The following PARD3B variants were observed in gnomAD, a reference collection of about 807,000 sequenced individuals.
PARD3B encodes par-3 family cell polarity regulator beta.
PARD3B carries 103 observed loss-of-function variants against 130.2 expected under a neutral mutation model. The observed-to-expected ratio is 0.79, with a 90% CI of 0.67 to 0.93. The LOEUF (loss-of-function observed/expected upper bound fraction) is 0.93, where lower values mean the gene tolerates loss of function less well. PARD3B is among the 40% of genes least tolerant of loss of function. The probability of loss-of-function intolerance (pLI) is 0.00; values close to 1 mark genes in which losing one functional copy is unlikely to be tolerated. For synonymous variants in PARD3B, 583 were observed against 553.2 expected (o/e 1.05, Z -0.76); for missense variants, 1,609 against 1,499.2 (o/e 1.07, Z -1.21).
chr2:205,025,189 G>A (rs900853022), intron 3 of PARD3B, among the ~76,000 whole-genome samples: 2 of 152,154 alleles, frequency 1.3e-5, no homozygotes, highest in African/African-American at 4.8e-5. Flanking sequence ...TCAGTCTGCG[G>A]CACTTAGATA....
Position 205,124,318 on chromosome 2 carries a change from A to G in PARD3B, c.1166-9A>G. 1 of 1,526,914 alleles carries G rather than the reference A, an allele frequency of 6.5e-7. No individual in the cohort carries two copies. Among genetic ancestry groups the G allele is most frequent in the South Asian group, 1.4e-5 (1 of 73,002 alleles). The allele number at this position is 1,526,914 out of a possible 1,614,324, so 94.6% of individuals were successfully genotyped here. On this transcript the variant is annotated splice_polypyrimidine_tract_variant and intron_variant, in intron 8 of 22. Coordinates refer to ENST00000406610, the MANE Select transcript of PARD3B (RefSeq NM_001302769.2). ...GATGACTATACATTTTCCTGTTCTT[A>G]TACACTAGGCCCTGAAGGACTTGGT...
intron 1 of PARD3B, among the ~76,000 whole-genome samples, chr2:204,582,238 A>G (rs1248977607): frequency 2.0e-5 from 3 of 152,152 alleles, no homozygotes; most frequent in Non-Finnish European, 4.4e-5. Flanking sequence ...TAGTGACTCC[A>G]AAGTTTAATT....
chr2:205,582,038 T>C (rs1418864369), intron 22 of PARD3B, among the ~76,000 whole-genome samples: 1 of 152,148 alleles, frequency 6.6e-6, no homozygotes, highest in African/African-American at 2.4e-5. Context: ...AATCCATCCC[T>C]CATGCAATCA....
At chr2:205,495,094 G>T (rs2049876760) in intron 20 of PARD3B, among the ~76,000 whole-genome samples, 1 of 152,158 alleles carries the variant, frequency 6.6e-6, no homozygotes, top group Admixed American at 6.5e-5. Context: ...AAATGCCTTA[G>T]TGTGATGTTT....
chr2:204,793,011 T>G (rs1034537537), intron 2 of PARD3B, among the ~76,000 whole-genome samples: 1 of 152,188 alleles, frequency 6.6e-6, no homozygotes, highest in Non-Finnish European at 1.5e-5. Flanking sequence ...AGGCTGCTTT[T>G]TAATCCTCCC....
intron 10 of PARD3B, among the ~76,000 whole-genome samples, chr2:205,156,762 T>C (rs751900114): frequency 1.1e-4 from 16 of 152,318 alleles, no homozygotes; most frequent in Middle Eastern, 6.8e-3. Context: ...TAGTCAATCA[T>C]TGTTAGCCTC....
chr2:204,574,747 CTAAG>C (rs2032169234), intron 1 of PARD3B, among the ~76,000 whole-genome samples: 1 of 152,162 alleles, frequency 6.6e-6, no homozygotes, highest in African/African-American at 2.4e-5. Flanking sequence ...CACTAACAAT[CTAAG>C]TGTGTCTTCT....
In PARD3B at chr2:205,297,434, C is replaced by T. The variant is rs536736479; in HGVS notation, c.2186-3096C>T. On this transcript the variant is annotated intron_variant, in intron 16 of 22. Transcript: ENST00000406610. Reference sequence around the variant, plus strand: ...TTGAAAGTGGCAATTTATTGTACTCCACACAATCTTTACAGGGAGGGTATT... The same window carrying T: ...TTGAAAGTGGCAATTTATTGTACTCTACACAATCTTTACAGGGAGGGTATT... Among the ~76,000 whole-genome samples, 5 of 152,184 alleles carry T rather than the reference C, an allele frequency of 3.3e-5. No individual in the cohort carries two copies. The South Asian group carries it at 8.3e-4, about 25-fold the overall frequency.
chr2:205,124,322 A>G lies in PARD3B; in HGVS notation c.1166-5A>G. ...ACTATACATTTTCCTGTTCTTATAC[A>G]CTAGGCCCTGAAGGACTTGGTTTCA... is the stretch of plus-strand genomic sequence containing the variant. On this transcript the variant is annotated splice_polypyrimidine_tract_variant and splice_region_variant and intron_variant, in intron 8 of 22. Transcript: ENST00000406610. The G allele has an allele frequency of 6.5e-7, 1 of 1,541,414 alleles. No individual in the cohort carries two copies. The highest frequency in any genetic ancestry group is 8.8e-7 in the Non-Finnish European group (1 of 1,142,096).
At chr2:205,363,273 G>T (rs2044465286) in intron 18 of PARD3B, among the ~76,000 whole-genome samples, 2 of 152,154 alleles carry the variant, frequency 1.3e-5, no homozygotes, top group Non-Finnish European at 2.9e-5. Flanking sequence ...ACTGTCCCCA[G>T]AAGAGCAACC....
intron 1 of PARD3B, among the ~76,000 whole-genome samples, chr2:204,621,898 A>G (rs2034314442): frequency 6.6e-6 from 1 of 152,190 alleles, no homozygotes; most frequent in Admixed American, 6.5e-5. Flanking sequence ...TTCCTGTTTG[A>G]AAGTATCAGT....
intron 2 of PARD3B, among the ~76,000 whole-genome samples, chr2:204,774,636 AT>A (rs2041533504): frequency 6.6e-6 from 1 of 152,048 alleles, no homozygotes; most frequent in Non-Finnish European, 1.5e-5. Flanking sequence ...CTACTTTTTG[AT>A]TGCTCTTCTC....
intron 2 of PARD3B, among the ~76,000 whole-genome samples, chr2:204,845,209 A>G (rs2044411245): frequency 1.3e-5 from 2 of 152,306 alleles, no homozygotes; most frequent in South Asian, 2.1e-4. Context: ...AAGTGTATGT[A>G]GCCACCACTC....
intron 18 of PARD3B, among the ~76,000 whole-genome samples, chr2:205,398,477 G>A (rs1348531628): frequency 6.6e-6 from 1 of 152,176 alleles, no homozygotes; most frequent in Non-Finnish European, 1.5e-5. Context: ...CATTAGAGCT[G>A]ACAGTTGGTT....
intron 14 of PARD3B, among the ~76,000 whole-genome samples, chr2:205,186,142 A>G (rs565091644): frequency 1.3e-5 from 2 of 152,314 alleles, no homozygotes; most frequent in South Asian, 2.1e-4. Flanking sequence ...TTTAAAAACT[A>G]GAGCCATGGA....
At chr2:204,920,002 A>G (rs890135769) in intron 2 of PARD3B, among the ~76,000 whole-genome samples, 1 of 151,486 alleles carries the variant, frequency 6.6e-6, no homozygotes, top group African/African-American at 2.4e-5. Context: ...TTTACATCTT[A>G]TTTATTCCTA....
chr2:204,610,297 T>G lies in PARD3B; in HGVS notation c.120+64178T>G, dbSNP rs1157623536. Reference sequence around the variant, plus strand: ...CAATTATTAAATCTGTTCTTCTTAATGTAATATGGCAAATATTTACAATGA... The same window carrying G: ...CAATTATTAAATCTGTTCTTCTTAAGGTAATATGGCAAATATTTACAATGA... On this transcript the variant is annotated intron_variant, in intron 1 of 22. Coordinates refer to ENST00000406610, the MANE Select transcript of PARD3B (RefSeq NM_001302769.2). This position sits in a 1 kb window ranked among gnomAD's most constrained non-coding sequence, Gnocchi z 4.1. Among the ~76,000 whole-genome samples, 2 of 152,186 alleles carry G rather than the reference T, an allele frequency of 1.3e-5. No individual in the cohort carries two copies. The highest frequency in any genetic ancestry group is 4.8e-5 in the African/African-American group (2 of 41,450).
At position 204,706,733 on chromosome 2, in the gene PARD3B, T is replaced by C. The variant is rs115165593; in HGVS notation, c.222+20451T>C. On this transcript the variant is annotated intron_variant, in intron 2 of 22. Coordinates refer to ENST00000406610, the MANE Select transcript of PARD3B (RefSeq NM_001302769.2). Reference sequence around the variant, plus strand: ...CCTTGAAAACAAATGAGTTTCAGAATTGGAAATTTTTTTGATTTTTAGGTA... The same window carrying C: ...CCTTGAAAACAAATGAGTTTCAGAACTGGAAATTTTTTTGATTTTTAGGTA... 6.7e-3 allele frequency among the ~76,000 whole-genome samples: 1,027 copies of C among 152,200 alleles called. 5 individuals are homozygous for C. The highest frequency in any genetic ancestry group is 0.014 in the Middle Eastern group (4 of 292).
chr2:205,261,350 C>T (rs976522100), intron 16 of PARD3B, among the ~76,000 whole-genome samples: 1 of 152,020 alleles, frequency 6.6e-6, no homozygotes, highest in African/African-American at 2.4e-5. Flanking sequence ...CTTTGACTCC[C>T]ACATCCTCCA....
Sources: gnomAD v4.1 joint callset for allele counts (sites outside exome capture counted in the v4.1 genomes callset) on GRCh38, gnomAD v4.1.1 for gene constraint, Gnocchi (gnomAD v3.1) non-coding constraint, MANE v1.5 for transcripts, NCBI Gene and HGNC (gene_info 2026-07-23, HGNC 2026-07-21) for gene names.